The following PRKX variants were observed in gnomAD, a reference collection of about 807,000 sequenced individuals.
The protein encoded by PRKX is cAMP-dependent protein kinase catalytic subunit PRKX.
In PRKX, 12 loss-of-function variants were observed where a neutral mutation model predicts 22.0. The observed-to-expected ratio is 0.54, with a 90% CI of 0.35 to 0.88. PRKX has a LOEUF of 0.88. Among genes scored for constraint, PRKX ranks in the 40% least tolerant of loss-of-function variants. The probability of loss-of-function intolerance (pLI) is 0.01; values close to 1 mark genes in which losing one functional copy is unlikely to be tolerated. For synonymous variants in PRKX, 134 were observed against 137.7 expected (o/e 0.97, Z 0.19); for missense variants, 217 against 308.0 (o/e 0.70, Z 2.21).
At chrX:3,700,141 A>G (rs1460999000) in intron 1 of PRKX, among the ~76,000 whole-genome samples, 1 of 112,376 alleles carries the variant, frequency 8.9e-6, no homozygotes, top group Non-Finnish European at 1.9e-5. Flanking sequence ...GGAGTTTCCT[A>G]ACAGTTTTCC....
At chrX:3,706,273 C>G (rs1928683467) in intron 1 of PRKX, among the ~76,000 whole-genome samples, 1 of 111,272 alleles carries the variant, frequency 9.0e-6, no homozygotes, top group South Asian at 3.8e-4. Context: ...CAGTCTCCAC[C>G]TCCTGGGCTC....
At chrX:3,636,018 C>T (rs1280076911) in intron 4 of PRKX, among the ~76,000 whole-genome samples, 1 of 112,210 alleles carries the variant, frequency 8.9e-6, no homozygotes, top group Non-Finnish European at 1.9e-5. Context: ...GATTTTGTTC[C>T]AGAATGTGCC....
chrX:3,671,925 C>T lies in PRKX; in HGVS notation c.335+2673G>A, dbSNP rs181480277. 3.6e-5 allele frequency among the ~76,000 whole-genome samples: 4 copies of T among 111,679 alleles called. No homozygotes were observed. In the East Asian group the frequency reaches 1.1e-3, roughly 31 times the overall value. Reference sequence around the variant, plus strand: ...ATTGCTTGCAGCCTAAAGTTCAAGACCAGCCTGGGCAACATAGCAAGACCC... The same window carrying T: ...ATTGCTTGCAGCCTAAAGTTCAAGATCAGCCTGGGCAACATAGCAAGACCC... On this transcript the variant is annotated intron_variant, in intron 2 of 8. Transcript: ENST00000262848.
intron 2 of PRKX, among the ~76,000 whole-genome samples, chrX:3,669,765 T>G (rs776162643): frequency 5.4e-5 from 6 of 111,984 alleles, no homozygotes; most frequent in Non-Finnish European, 1.1e-4. Context: ...ATCTATCTAC[T>G]CACCTATCAA....
At chrX:3,649,108 C>T (rs1437681436) in intron 3 of PRKX, among the ~76,000 whole-genome samples, 1 of 111,504 alleles carries the variant, frequency 9.0e-6, no homozygotes, top group Admixed American at 9.6e-5. Context: ...TTTTCCAGCA[C>T]CGACATGAGG....
chrX:3,670,958 T>C (rs1343776605), intron 2 of PRKX, among the ~76,000 whole-genome samples: 1 of 112,370 alleles, frequency 8.9e-6, no homozygotes, highest in Non-Finnish European at 1.9e-5. Context: ...AAACTTTTCA[T>C]GAGAGCTGTG....
chrX:3,703,551 C>T (rs1603474896), intron 1 of PRKX, among the ~76,000 whole-genome samples: 1 of 111,204 alleles, frequency 9.0e-6, no homozygotes, highest in East Asian at 2.8e-4. Context: ...TCATTTACAT[C>T]TTCGCTAAAG....
chrX:3,688,259 A>G (rs1928219800), intron 1 of PRKX, among the ~76,000 whole-genome samples: 2 of 105,495 alleles, frequency 1.9e-5, no homozygotes, highest in Non-Finnish European at 4.0e-5. Context: ...CAGCCCAGCC[A>G]ACATGGTGAA....
At chrX:3,641,603 A>G (rs1246661095) in intron 4 of PRKX, 8 of 179,276 alleles carry the variant, frequency 4.5e-5, no homozygotes, top group African/African-American at 6.6e-5. Flanking sequence ...TTTCAATATA[A>G]AAATCTCAAT....
chrX:3,649,969 G>C lies in PRKX; in HGVS notation c.599+5180C>G, dbSNP rs189151717. On this transcript the variant is annotated intron_variant, in intron 3 of 8. Coordinates refer to ENST00000262848, the MANE Select transcript of PRKX (RefSeq NM_005044.5). ...AGCCCTGGCAACATAGTGAAACCCC[G>C]TCTCTACAAAAAATCCAAAAATTAG... 1.0e-3 allele frequency among the ~76,000 whole-genome samples: 111 copies of C among 109,608 alleles called. No homozygotes were observed. The East Asian group carries it at 0.031, about 30-fold the overall frequency.
intron 1 of PRKX, among the ~76,000 whole-genome samples, chrX:3,698,331 T>TTTTC (rs1171640277): frequency 9.1e-6 from 1 of 110,294 alleles, no homozygotes; most frequent in East Asian, 2.9e-4. Context: ...AAGAAGCAAT[T>TTTTC]TTTCTCTTTT....
At chrX:3,614,696 G>A (rs1926380761) in intron 7 of PRKX, among the ~76,000 whole-genome samples, 2 of 111,330 alleles carry the variant, frequency 1.8e-5, no homozygotes, top group South Asian at 7.6e-4. Context: ...AAAGGAATAA[G>A]TTCCAGTGTT....
intron 7 of PRKX, among the ~76,000 whole-genome samples, chrX:3,614,229 G>A (rs1160344320): frequency 1.8e-5 from 2 of 112,489 alleles, no homozygotes; most frequent in Admixed American, 9.4e-5. Context: ...CGGGTGCAGC[G>A]GCTCATGCCT....
chrX:3,656,899 G>A (rs929605563), intron 2 of PRKX, among the ~76,000 whole-genome samples: 4 of 111,796 alleles, frequency 3.6e-5, no homozygotes, highest in African/African-American at 1.3e-4. Flanking sequence ...GATGAACTGC[G>A]TGGTAAGGGC....
At chrX:3,709,183 CAAAAA>C (rs35004174) in intron 1 of PRKX, among the ~76,000 whole-genome samples, 1 of 47,611 alleles carries the variant, frequency 2.1e-5, no homozygotes, top group South Asian at 1.4e-3. Context: ...GACCCTGTCT[CAAAAA>C]AAAAAAAAAA....
chrX:3,621,414 T>G, intron 5 of PRKX, 98 bp from the exon 6 acceptor site: 1 of 755,927 alleles, frequency 1.3e-6, no homozygotes, highest in Admixed American at 2.7e-5. Context: ...CTATCTGACA[T>G]GAGGACCGCA....
chrX:3,659,908 C>T (rs1431427510), intron 2 of PRKX, among the ~76,000 whole-genome samples: 1 of 110,104 alleles, frequency 9.1e-6, no homozygotes. Flanking sequence ...TATGTAGTGG[C>T]TGTTTTCCAG....
chrX:3,713,516 T>C lies in PRKX; in HGVS notation c.-263A>G. On this transcript the variant is annotated 5_prime_UTR_variant, in exon 1 of 9. Coordinates refer to ENST00000262848, the MANE Select transcript of PRKX (RefSeq NM_005044.5). Reference sequence around the variant, plus strand: ...GGGCGGGCACCGAGTGCGGGACGACTGCGGGGAAGGCGGGGGCCGCGGCCC... The same window carrying C: ...GGGCGGGCACCGAGTGCGGGACGACCGCGGGGAAGGCGGGGGCCGCGGCCC... 4.9e-6 allele frequency: 1 copy of C among 205,488 alleles called. No homozygotes were observed. The highest frequency in any genetic ancestry group is 8.8e-6 in the Non-Finnish European group (1 of 113,301). The allele number at this position is 205,488 out of a possible 1,213,427, so 16.9% of individuals were successfully genotyped here.
chrX:3,675,695 C>T (rs748806835), intron 1 of PRKX, among the ~76,000 whole-genome samples: 4 of 111,128 alleles, frequency 3.6e-5, no homozygotes, highest in Non-Finnish European at 5.7e-5. Context: ...CTTTCTCCTC[C>T]TCCCTCTCCT....
Sources: gnomAD v4.1 joint callset for allele counts (sites outside exome capture counted in the v4.1 genomes callset) on GRCh38, gnomAD v4.1.1 for gene constraint, MANE v1.5 for transcripts, NCBI Gene and HGNC (gene_info 2026-07-23, HGNC 2026-07-21) for gene names.